PFKP: variants seen among roughly 807,000 people sequenced by gnomAD.
PFKP encodes the protein phosphofructokinase, platelet.
In PFKP, 101 loss-of-function variants were observed where a neutral mutation model predicts 94.3. The observed-to-expected ratio is 1.07, with a 90% CI of 0.91 to 1.26. PFKP has a LOEUF of 1.26. Among genes scored for constraint, PFKP ranks in the 50% most tolerant of loss-of-function variants. The pLI is 0.00. For synonymous variants in PFKP, 573 were observed against 432.6 expected (o/e 1.32, Z -4.03); for missense variants, 1,145 against 1,103.3 (o/e 1.04, Z -0.53).
chr10:3,068,227 G>T (rs756532481), intron 1 of PFKP, among the ~76,000 whole-genome samples: 9 of 152,028 alleles, frequency 5.9e-5, no homozygotes, highest in Non-Finnish European at 1.0e-4. Context: ...AGGAAGAAAC[G>T]GCTGGGTCCC....
chr10:3,086,272 G>T (rs1833589020), intron 2 of PFKP, among the ~76,000 whole-genome samples: 1 of 152,196 alleles, frequency 6.6e-6, no homozygotes, highest in African/African-American at 2.4e-5. Flanking sequence ...CCTCACAGAA[G>T]TGGCGGCCTG....
intron 1 of PFKP, among the ~76,000 whole-genome samples, chr10:3,073,457 CTG>C (rs1832346979): frequency 6.9e-6 from 1 of 145,804 alleles, no homozygotes; most frequent in African/African-American, 2.5e-5. Context: ...TAGATCCTGA[CTG>C]TGTGGGTCTG....
intron 16 of PFKP, among the ~76,000 whole-genome samples, chr10:3,121,260 T>C (rs11251728): frequency 0.42 from 64,242 of 152,142 alleles, 13,825 homozygotes; most frequent in Non-Finnish European, 0.48. Flanking sequence ...ACGTTGCTTC[T>C]GTTCTCCTGG....
In PFKP at chr10:3,135,744, T is replaced by A; in HGVS notation, c.2131T>A (p.Phe711Ile). ...TTTAAAATCTTTTATAGGAAAAAAA[T>A]TTACCACCGATGATTCCATTTGTGT... ...LKEARGRGKK[F>I]TTDDSICVLG... Residue 711 changes from phenylalanine (F) to isoleucine (I), a missense_variant, in exon 21 of 22, where the codon TTT becomes ATT. By Grantham distance (21) the Phe-to-Ile change is conservative (BLOSUM62 0). Around this residue, in one of 3 missense-constraint regions of PFKP, gnomAD observed 1,119 missense variants for 1,062.8 expected, o/e 1.05. Transcript: ENST00000381125. The A allele has an allele frequency of 6.2e-7, 1 of 1,606,872 alleles. No homozygotes were observed. The highest frequency in any genetic ancestry group is 8.5e-7 in the Non-Finnish European group (1 of 1,174,594).
rs771019036 is a variant in PFKP, at chr10:3,136,616, A to C, written c.*37A>C. ...CTGCATGTGCCTGCAGCCACCGTGG[A>C]CTGTCTGTTTTTGTAACACTTAAGT... On this transcript the variant is annotated 3_prime_UTR_variant, in exon 22 of 22. Coordinates refer to ENST00000381125, the MANE Select transcript of PFKP (RefSeq NM_002627.5). The C allele has an allele frequency of 4.4e-6, 7 of 1,605,002 alleles. No individual in the cohort carries two copies. The highest frequency in any genetic ancestry group is 1.1e-5 in the South Asian group (1 of 90,328).
At chr10:3,095,985 C>T (rs868867352) in intron 2 of PFKP, among the ~76,000 whole-genome samples, 2 of 152,146 alleles carry the variant, frequency 1.3e-5, no homozygotes, top group Non-Finnish European at 2.9e-5. Flanking sequence ...CCACATGCAT[C>T]TATGCAACAC....
chr10:3,129,814 A>T lies in PFKP; in HGVS notation c.1684-5A>T, dbSNP rs1352999153. The T allele has an allele frequency of 2.5e-6, 4 of 1,613,210 alleles. No homozygotes were observed. The highest frequency in any genetic ancestry group is 2.5e-6 in the Non-Finnish European group (3 of 1,179,896). The stretch of plus-strand genomic sequence containing the variant: ...TGGAGTGACTGATCGCTTCTCTGTG[A>T]CCAGACCTGCGACCGCATCAAGCAG... On this transcript the variant is annotated splice_region_variant and splice_polypyrimidine_tract_variant and intron_variant, in intron 16 of 21. Coordinates refer to ENST00000381125, the MANE Select transcript of PFKP (RefSeq NM_002627.5).
chr10:3,101,751 G>T (rs1017201069), intron 4 of PFKP, among the ~76,000 whole-genome samples, 197 bp downstream of exon 4: 4 of 152,172 alleles, frequency 2.6e-5, no homozygotes, highest in Non-Finnish European at 5.9e-5. Context: ...CTTACCATGT[G>T]CCAGGCACCC....
Position 3,115,415 on chromosome 10 carries a change from TGTCCCGC to T in PFKP, c.1372-1360_1372-1354del, listed in dbSNP as rs1564327377. 6.3e-3 allele frequency among the ~76,000 whole-genome samples: 487 copies of T among 77,482 alleles called. 69 individuals are homozygous for T. The highest frequency in any genetic ancestry group is 0.049 in the Admixed American group (393 of 8,080). The allele number at this position is 77,482 out of a possible 152,430, so 50.8% of individuals were successfully genotyped here. A position where few individuals can be genotyped will look rare whatever the true frequency, so the allele number is the denominator to read the frequency against. The stretch of plus-strand genomic sequence containing the variant: ...CTGGGGATGCCGGGGTGAAGGTGTG[TGTCCCGC>T]CATGGAGGACAGGACTGGGGATGCC... On this transcript the variant is annotated intron_variant, in intron 13 of 21. Transcript: ENST00000381125.
intron 21 of PFKP, 41 bp from the exon 22 acceptor site, chr10:3,136,409 G>C (rs1303594361): frequency 3.7e-6 from 6 of 1,606,294 alleles, no homozygotes; most frequent in Middle Eastern, 1.7e-4. Flanking sequence ...TCTCCCGCCA[G>C]TGACTGCAGG....
At chr10:3,128,828 G>A (rs1838242557) in intron 16 of PFKP, among the ~76,000 whole-genome samples, 1 of 152,180 alleles carries the variant, frequency 6.6e-6, no homozygotes, top group Non-Finnish European at 1.5e-5. Flanking sequence ...TTTGGGGGCT[G>A]CTCTCCCGCC....
chr10:3,112,163 C>A, intron 10 of PFKP, 59 bp from the exon 11 acceptor site: 1 of 1,367,168 alleles, frequency 7.3e-7, no homozygotes, highest in Non-Finnish European at 1.0e-6. Flanking sequence ...CTACCTACCC[C>A]ATCCATGATG....
At chr10:3,135,677 G>A in intron 20 of PFKP, 59 bp from the exon 21 acceptor site, 1 of 1,031,234 alleles carries the variant, frequency 9.7e-7, no homozygotes, top group Admixed American at 1.8e-5. Context: ...CCGTGATTCT[G>A]CTCCCCCACC....
At chr10:3,079,039 C>T (rs1832814128) in intron 1 of PFKP, among the ~76,000 whole-genome samples, 1 of 152,158 alleles carries the variant, frequency 6.6e-6, no homozygotes, top group Non-Finnish European at 1.5e-5. Context: ...CGGGGGCAGC[C>T]CAGCTACATG....
At position 3,103,366 on chromosome 10, in the gene PFKP, G is replaced by A. The variant is rs573911866; in HGVS notation, c.455-413G>A. Among the ~76,000 whole-genome samples the A allele has an allele frequency of 1.6e-3, 247 of 151,168 alleles. 1 individual carries two copies. Among genetic ancestry groups the A allele is most frequent in the African/African-American group, 5.8e-3 (238 of 40,858 alleles). On this transcript the variant is annotated intron_variant, in intron 4 of 21. Coordinates refer to ENST00000381125, the MANE Select transcript of PFKP (RefSeq NM_002627.5). ...TTGAGTTCGGAGAAAATAAAGAATC[G>A]GCCAGGGCAGTGGCTCACACCTATA...
chr10:3,104,302 T>C (rs1301632375), intron 5 of PFKP, among the ~76,000 whole-genome samples: 2 of 152,228 alleles, frequency 1.3e-5, no homozygotes, highest in Non-Finnish European at 2.9e-5. Context: ...AGCGATGTCC[T>C]GCCCTGTGTA....
intron 10 of PFKP, among the ~76,000 whole-genome samples, 197 bp from the exon 11 acceptor site, chr10:3,112,025 C>T (rs575977351): frequency 6.6e-6 from 1 of 152,176 alleles, no homozygotes; most frequent in African/African-American, 2.4e-5. Context: ...ACAGCCGGGC[C>T]GTGTGGGGCT....
intron 1 of PFKP, among the ~76,000 whole-genome samples, chr10:3,079,672 GGGA>G (rs1832891150): frequency 9.0e-6 from 1 of 111,586 alleles, no homozygotes; most frequent in African/African-American, 2.9e-5. Flanking sequence ...TGGGGGGGGG[GGGA>G]AGAGGAGCAG....
Position 3,129,807 on chromosome 10 carries a change from C to A in PFKP, c.1684-12C>A. The A allele has an allele frequency of 2.5e-6, 4 of 1,613,114 alleles. No individual in the cohort carries two copies. Among genetic ancestry groups the A allele is most frequent in the Non-Finnish European group, 1.7e-6 (2 of 1,179,854 alleles). ...CCTGGGCTGGAGTGACTGATCGCTT[C>A]TCTGTGACCAGACCTGCGACCGCAT... is the stretch of plus-strand genomic sequence containing the variant. On this transcript the variant is annotated splice_polypyrimidine_tract_variant and intron_variant, in intron 16 of 21. Transcript: ENST00000381125.
Sources: gnomAD v4.1 joint callset for allele counts (sites outside exome capture counted in the v4.1 genomes callset) on GRCh38, gnomAD v4.1.1 for gene constraint, gnomAD v4.1.1 regional missense constraint, MANE v1.5 for transcripts, NCBI Gene and HGNC (gene_info 2026-07-23, HGNC 2026-07-21) for gene names.